Variants in AFF3 observed in about 807,000 individuals in gnomAD.
AFF3 encodes the protein AF4/FMR2 family member 3.
A neutral mutation model predicts 129.7 loss-of-function variants in AFF3; 32 were observed. That is an observed-to-expected ratio of 0.25 (90% confidence interval 0.19 to 0.33). AFF3 has a LOEUF of 0.33. Among genes scored for constraint, AFF3 ranks in the 10% least tolerant of loss-of-function variants. The probability of loss-of-function intolerance (pLI) is 1.00; values close to 1 mark genes in which losing one functional copy is unlikely to be tolerated. For synonymous variants in AFF3, 644 were observed against 635.4 expected (o/e 1.01, Z -0.20); for missense variants, 1,373 against 1,592.0 (o/e 0.86, Z 2.34).
chr2:99,716,774 T>TG (rs924607193), intron 11 of AFF3, among the ~76,000 whole-genome samples: 2 of 151,648 alleles, frequency 1.3e-5, no homozygotes, highest in Non-Finnish European at 2.9e-5. Flanking sequence ...GCAGCTACTT[T>TG]GGGGGGGCTG....
In AFF3 at chr2:99,554,727, T is replaced by C; in HGVS notation, c.3291A>G (p.Ser1097=). The change falls in exon 23 of 25, where the codon TCA becomes TCG. Residue 1097 remains serine (S), a synonymous_variant. Transcript: ENST00000672756. ...SKALIDYFKN[S]SKAAQAPSPW... is the part of the protein sequence containing the mutation. Reference sequence around the variant, plus strand: ...GAGATGGGGCTTGGGCGGCTTTAGATGAGTTCTGCAAGAAAATAAAAACAC... The same window carrying C: ...GAGATGGGGCTTGGGCGGCTTTAGACGAGTTCTGCAAGAAAATAAAAACAC... The C allele has an allele frequency of 6.2e-7, 1 of 1,614,166 alleles. No homozygotes were observed. The highest frequency in any genetic ancestry group is 2.2e-5 in the East Asian group (1 of 44,876).
chr2:99,614,270 G>C (rs1314485290), intron 13 of AFF3, among the ~76,000 whole-genome samples: 1 of 152,218 alleles, frequency 6.6e-6, no homozygotes, highest in Non-Finnish European at 1.5e-5. Flanking sequence ...ATTTAGCAGA[G>C]GAGAAACTCA....
At chr2:99,739,798 CT>C (rs959932809) in intron 10 of AFF3, among the ~76,000 whole-genome samples, 8 of 151,640 alleles carry the variant, frequency 5.3e-5, no homozygotes, top group African/African-American at 7.3e-5. Context: ...TTCTCTATTT[CT>C]TTTTTTTAAT....
At chr2:99,798,610 G>C (rs529513388) in intron 8 of AFF3, among the ~76,000 whole-genome samples, 8 of 151,954 alleles carry the variant, frequency 5.3e-5, no homozygotes, top group African/African-American at 1.9e-4. Flanking sequence ...AAAATAAAAT[G>C]ATAGAAATAT....
At chr2:99,939,935 G>T (rs1269923805) in intron 7 of AFF3, among the ~76,000 whole-genome samples, 1 of 152,158 alleles carries the variant, frequency 6.6e-6, no homozygotes, top group East Asian at 1.9e-4. Flanking sequence ...TTGTTCTGGT[G>T]GGGCCTATAT....
At chr2:99,981,075 G>A (rs1679354723) in intron 7 of AFF3, among the ~76,000 whole-genome samples, 1 of 152,196 alleles carries the variant, frequency 6.6e-6, no homozygotes, top group Non-Finnish European at 1.5e-5. Flanking sequence ...GAGTGCAATG[G>A]CGTGATCTCG....
chr2:99,935,023 T>G (rs1674392889), intron 7 of AFF3, among the ~76,000 whole-genome samples: 1 of 152,216 alleles, frequency 6.6e-6, no homozygotes, highest in African/African-American at 2.4e-5. Flanking sequence ...TCAAAAAGTT[T>G]TGAATTCAGG....
At chr2:99,793,596 C>T (rs917469600) in intron 8 of AFF3, among the ~76,000 whole-genome samples, 1 of 152,158 alleles carries the variant, frequency 6.6e-6, no homozygotes. Context: ...ATTTATTCTT[C>T]TAATGTTTGT....
At chr2:100,077,040 G>A (rs1688638909) in intron 4 of AFF3, among the ~76,000 whole-genome samples, 1 of 152,104 alleles carries the variant, frequency 6.6e-6, no homozygotes, top group Non-Finnish European at 1.5e-5. Flanking sequence ...CTTGAGGCCA[G>A]GAGCTGGAGA....
chr2:99,763,006 T>C (rs1355062746), intron 8 of AFF3, among the ~76,000 whole-genome samples: 2 of 152,240 alleles, frequency 1.3e-5, no homozygotes, highest in Admixed American at 1.3e-4. Flanking sequence ...CAACACTGCA[T>C]CTCATCTAAA....
At chr2:100,134,388 T>C (rs1692550112) in intron 1 of AFF3, among the ~76,000 whole-genome samples, 1 of 152,228 alleles carries the variant, frequency 6.6e-6, no homozygotes, top group Admixed American at 6.5e-5. Context: ...ATTTTTTTTC[T>C]GAATTTATTT....
chr2:99,785,044 T>C (rs1393909450), intron 8 of AFF3, among the ~76,000 whole-genome samples: 1 of 152,208 alleles, frequency 6.6e-6, no homozygotes, highest in African/African-American at 2.4e-5. Flanking sequence ...GCAGCGATGT[T>C]GCGCCCTCTG....
In AFF3 at chr2:99,711,808, T is replaced by G. The variant is rs369921841; in HGVS notation, c.1091+15269A>C. On this transcript the variant is annotated intron_variant, in intron 11 of 24. Coordinates refer to ENST00000672756, the MANE Select transcript of AFF3 (RefSeq NM_001386135.1). ...CATGAAGATTCATTAAAGATAACATTGGGAGGAAGCACAGGCAGTCTGTTA... is the reference window on the plus strand; with the variant it reads ...CATGAAGATTCATTAAAGATAACATGGGGAGGAAGCACAGGCAGTCTGTTA... Among the ~76,000 whole-genome samples the G allele has an allele frequency of 2.6e-5, 4 of 152,158 alleles. No homozygotes were observed. In the East Asian group the frequency reaches 5.8e-4, roughly 22 times the overall value.
chr2:99,953,399 C>A (rs1166288890), intron 7 of AFF3, among the ~76,000 whole-genome samples: 1 of 152,302 alleles, frequency 6.6e-6, no homozygotes, highest in East Asian at 1.9e-4. Context: ...GACAGACTCA[C>A]CCCAACACTC....
At chr2:99,949,310 T>C (rs1337532029) in intron 7 of AFF3, among the ~76,000 whole-genome samples, 3 of 152,168 alleles carry the variant, frequency 2.0e-5, no homozygotes, top group South Asian at 2.1e-4. Flanking sequence ...AAGTAAAATA[T>C]TTGTTTCTTT....
chr2:99,960,045 A>G (rs551277671), intron 7 of AFF3, among the ~76,000 whole-genome samples: 1 of 152,190 alleles, frequency 6.6e-6, no homozygotes, highest in South Asian at 2.1e-4. Context: ...GTTGATCAAT[A>G]AATATTTTGT....
intron 7 of AFF3, among the ~76,000 whole-genome samples, chr2:99,948,601 T>C (rs1675857202): frequency 6.6e-6 from 1 of 152,208 alleles, no homozygotes; most frequent in Non-Finnish European, 1.5e-5. Context: ...AATCAGCTTT[T>C]TGCAGATTCT....
intron 4 of AFF3, among the ~76,000 whole-genome samples, chr2:100,074,553 T>G (rs1168538494): frequency 6.6e-6 from 1 of 152,238 alleles, no homozygotes; most frequent in African/African-American, 2.4e-5. Flanking sequence ...AAAAATGGTT[T>G]GTTAATAGAT....
intron 11 of AFF3, among the ~76,000 whole-genome samples, chr2:99,713,322 G>A (rs1344567843): frequency 6.8e-6 from 1 of 146,206 alleles, no homozygotes; most frequent in African/African-American, 2.5e-5. Context: ...AGGCTGCAGT[G>A]CAGTGGCACA....
Sources: gnomAD v4.1 joint callset for allele counts (sites outside exome capture counted in the v4.1 genomes callset) on GRCh38, gnomAD v4.1.1 for gene constraint, MANE v1.5 for transcripts, NCBI Gene and HGNC (gene_info 2026-07-23, HGNC 2026-07-21) for gene names.